The following PTPRD variants were observed in gnomAD, a reference collection of about 807,000 sequenced individuals.
The protein encoded by PTPRD is receptor-type tyrosine-protein phosphatase delta.
PTPRD carries 34 observed loss-of-function variants against 214.5 expected under a neutral mutation model. That is an observed-to-expected ratio of 0.16 (90% CI 0.12 to 0.21). The LOEUF (loss-of-function observed/expected upper bound fraction) is 0.21, where lower values mean the gene tolerates loss of function less well. Ranked by LOEUF, PTPRD falls within the 10% of genes least tolerant of loss-of-function variation. The probability of loss-of-function intolerance (pLI) is 1.00; values close to 1 mark genes in which losing one functional copy is unlikely to be tolerated. For synonymous variants in PTPRD, 1,128 were observed against 845.7 expected, an observed-to-expected ratio of 1.33 and a Z score of -5.79; for missense variants, 2,545 against 2,398.7, an observed-to-expected ratio of 1.06 and a Z score of -1.27.
At chr9:8,546,652 C>T (rs1365530363) in intron 14 of PTPRD, among the ~76,000 whole-genome samples, 1 of 152,038 alleles carries the variant, frequency 6.6e-6, no homozygotes, top group Admixed American at 6.6e-5. Context: ...GCGTGCGCCA[C>T]CATGCCTCGC....
intron 11 of PTPRD, among the ~76,000 whole-genome samples, chr9:8,805,522 AAAAT>A (rs1156636458): frequency 6.6e-6 from 1 of 152,002 alleles, no homozygotes; most frequent in Non-Finnish European, 1.5e-5. Flanking sequence ...AAAAAACAGA[AAAAT>A]AAATATAGAC....
chr9:9,637,657 C>T (rs911938528), intron 7 of PTPRD, among the ~76,000 whole-genome samples: 1 of 152,186 alleles, frequency 6.6e-6, no homozygotes, highest in Non-Finnish European at 1.5e-5. Flanking sequence ...TGCCTGAGGC[C>T]TTTCCAGGCT....
At chr9:10,599,515 C>A (rs2077453526) in intron 2 of PTPRD, among the ~76,000 whole-genome samples, 1 of 151,650 alleles carries the variant, frequency 6.6e-6, no homozygotes, top group Non-Finnish European at 1.5e-5. Context: ...TGACATATGA[C>A]CCCAAAACTT....
chr9:9,208,284 G>C (rs1376797479), intron 9 of PTPRD, among the ~76,000 whole-genome samples: 1 of 151,598 alleles, frequency 6.6e-6, no homozygotes, highest in Admixed American at 6.6e-5. Flanking sequence ...AAAGTGCTGG[G>C]ATTACAGGCG....
intron 9 of PTPRD, among the ~76,000 whole-genome samples, chr9:9,360,584 A>C (rs918306522): frequency 6.6e-6 from 1 of 151,206 alleles, no homozygotes; most frequent in Admixed American, 6.6e-5. Context: ...ATAATGAGAA[A>C]AATACAAGAT....
chr9:9,340,237 G>A (rs1447447714), intron 9 of PTPRD, among the ~76,000 whole-genome samples: 2 of 152,096 alleles, frequency 1.3e-5, no homozygotes, highest in African/African-American at 2.4e-5. Flanking sequence ...TCCCGTTTAA[G>A]ACAGAAAAAC....
intron 2 of PTPRD, among the ~76,000 whole-genome samples, chr9:10,377,203 A>G (rs1285588163): frequency 3.9e-5 from 6 of 151,926 alleles, no homozygotes; most frequent in South Asian, 2.1e-4. Context: ...ATGATCTCCA[A>G]TTCCATCCAT....
intron 35 of PTPRD, among the ~76,000 whole-genome samples, chr9:8,426,797 G>GTT (rs58151324): frequency 6.1e-4 from 88 of 143,990 alleles, no homozygotes; most frequent in African/African-American, 2.1e-3. Flanking sequence ...AATGTCTGAG[G>GTT]TTTTTTTTTT....
chr9:8,460,916 G>T (rs2096380956), intron 32 of PTPRD, among the ~76,000 whole-genome samples: 1 of 152,024 alleles, frequency 6.6e-6, no homozygotes, highest in South Asian at 2.1e-4. Flanking sequence ...AATGTTTAAT[G>T]AACATTTACA....
intron 12 of PTPRD, among the ~76,000 whole-genome samples, chr9:8,705,106 A>C (rs1234296605): frequency 6.6e-6 from 1 of 152,194 alleles, no homozygotes; most frequent in Non-Finnish European, 1.5e-5. Context: ...GTTTAAAAAA[A>C]GGGCTCAGTG....
intron 7 of PTPRD, among the ~76,000 whole-genome samples, chr9:9,707,847 T>C (rs1371369531): frequency 6.6e-6 from 1 of 152,108 alleles, no homozygotes; most frequent in Admixed American, 6.6e-5. Flanking sequence ...ACACAATCAA[T>C]GACTCCACCT....
intron 11 of PTPRD, among the ~76,000 whole-genome samples, chr9:8,961,574 C>G (rs1214810223): frequency 6.6e-6 from 1 of 152,108 alleles, no homozygotes; most frequent in Non-Finnish European, 1.5e-5. Flanking sequence ...TTCATCAAGG[C>G]AGTTCTTCTG....
At chr9:9,385,774 TG>T (rs1250366088) in intron 9 of PTPRD, among the ~76,000 whole-genome samples, 4 of 152,196 alleles carry the variant, frequency 2.6e-5, no homozygotes, top group African/African-American at 9.6e-5. Context: ...TTGGGGTGAA[TG>T]TCACTTTTAA....
chr9:10,209,297 C>G (rs921330193), intron 3 of PTPRD, among the ~76,000 whole-genome samples: 2 of 152,002 alleles, frequency 1.3e-5, no homozygotes, highest in African/African-American at 4.8e-5. Flanking sequence ...TATAGCAAAT[C>G]TATATAACAG....
In PTPRD at chr9:8,500,558, G is replaced by GAAAAAAAAAAAAAAAAA. The variant is rs146807692; in HGVS notation, c.2128+179_2128+195dup. Among the ~76,000 whole-genome samples the GAAAAAAAAAAAAAAAAA allele has an allele frequency of 1.1e-3, 16 of 14,316 alleles. 3 individuals carry two copies. Among genetic ancestry groups the GAAAAAAAAAAAAAAAAA allele is most frequent in the South Asian group, 4.1e-3 (1 of 242 alleles). The allele number at this position is 14,316 out of a possible 152,430, so 9.4% of individuals were successfully genotyped here. On this transcript the variant is annotated intron_variant, in intron 24 of 45. Coordinates refer to ENST00000381196, the MANE Select transcript of PTPRD (RefSeq NM_002839.4). ...TTACTGCATTGAGATTGAAAAAAAT[G>GAAAAAAAAAAAAAAAAA]AAAAAAAAAAAAAAAAAAAAAAAAA...
At chr9:9,490,910 T>C (rs1444100581) in intron 8 of PTPRD, among the ~76,000 whole-genome samples, 1 of 151,766 alleles carries the variant, frequency 6.6e-6, no homozygotes, top group Non-Finnish European at 1.5e-5. Flanking sequence ...GAATTGTTTG[T>C]TGAACTAATT....
At chr9:9,716,187 C>T (rs562962914) in intron 7 of PTPRD, among the ~76,000 whole-genome samples, 1 of 152,290 alleles carries the variant, frequency 6.6e-6, no homozygotes, top group East Asian at 1.9e-4. Context: ...ATGAACTCAT[C>T]ATTTTTTATG....
At chr9:9,470,413 A>T (rs1240018589) in intron 8 of PTPRD, among the ~76,000 whole-genome samples, 1 of 152,208 alleles carries the variant, frequency 6.6e-6, no homozygotes, top group Non-Finnish European at 1.5e-5. Flanking sequence ...TATCACATTA[A>T]AGAATAAATA....
At chr9:8,462,113 A>G (rs920783826) in intron 32 of PTPRD, among the ~76,000 whole-genome samples, 5 of 151,946 alleles carry the variant, frequency 3.3e-5, no homozygotes, top group African/African-American at 1.2e-4. Context: ...TTCATTTCCA[A>G]TCATTTCTAG....
Sources: allele counts gnomAD v4.1 joint callset (sites outside exome capture counted in the v4.1 genomes callset), GRCh38; gene constraint gnomAD v4.1.1; transcripts MANE v1.5; gene names NCBI Gene and HGNC (gene_info 2026-07-23, HGNC 2026-07-21).